The following ZNF827 variants were observed in gnomAD, a reference collection of about 807,000 sequenced individuals.
ZNF827 encodes zinc finger protein 827.
In ZNF827, 13 loss-of-function variants were observed where a neutral mutation model predicts 102.4. The observed-to-expected ratio is 0.13, with a 90% confidence interval of 0.08 to 0.20. The LOEUF (loss-of-function observed/expected upper bound fraction) is 0.20. Among genes scored for constraint, ZNF827 ranks in the 10% least tolerant of loss-of-function variants. ZNF827 has a pLI of 1.00. For missense variants in ZNF827, 1,103 were observed against 1,344.4 expected (o/e 0.82, Z 2.81); for synonymous variants, 523 against 536.2 (o/e 0.98, Z 0.34).
chr4:145,780,957 G>C (rs1737884899), intron 8 of ZNF827, among the ~76,000 whole-genome samples: 1 of 152,164 alleles, frequency 6.6e-6, no homozygotes, highest in South Asian at 2.1e-4. Flanking sequence ...AGCACTTCGG[G>C]AGGCCGAGGC....
At chr4:145,845,209 G>A (rs2126635334) in intron 7 of ZNF827, among the ~76,000 whole-genome samples, 1 of 152,272 alleles carries the variant, frequency 6.6e-6, no homozygotes, top group Middle Eastern at 3.4e-3. Flanking sequence ...CAGTGGTGGG[G>A]TTTTCATCTG....
chr4:145,792,533 A>C (rs891985313), intron 8 of ZNF827, among the ~76,000 whole-genome samples: 1 of 149,370 alleles, frequency 6.7e-6, no homozygotes, highest in African/African-American at 2.5e-5. Context: ...TAGATATATA[A>C]TTTTTTTTTT....
At chr4:145,827,340 C>T (rs952187663) in intron 7 of ZNF827, among the ~76,000 whole-genome samples, 1 of 152,128 alleles carries the variant, frequency 6.6e-6, no homozygotes, top group South Asian at 2.1e-4. Flanking sequence ...AGGGACCAGT[C>T]GTTTCAGTAT....
chr4:145,865,084 A>G (rs1748064576), intron 5 of ZNF827, among the ~76,000 whole-genome samples: 1 of 152,234 alleles, frequency 6.6e-6, no homozygotes, highest in African/African-American at 2.4e-5. Context: ...TAGATTATGT[A>G]GAGGGGAGGT....
At chr4:145,784,658 A>C (rs1303352802) in intron 8 of ZNF827, among the ~76,000 whole-genome samples, 2 of 152,258 alleles carry the variant, frequency 1.3e-5, no homozygotes, top group African/African-American at 2.4e-5. Context: ...AGAAAAGTGC[A>C]CATATCAATA....
At chr4:145,828,166 T>C (rs1477138301) in intron 7 of ZNF827, among the ~76,000 whole-genome samples, 1 of 152,192 alleles carries the variant, frequency 6.6e-6, no homozygotes, top group Non-Finnish European at 1.5e-5. Flanking sequence ...AGCATGTTTG[T>C]ACTGTCCTCC....
chr4:145,791,239 C>G (rs1337493188), intron 8 of ZNF827, among the ~76,000 whole-genome samples: 3 of 152,202 alleles, frequency 2.0e-5, no homozygotes, highest in African/African-American at 7.2e-5. Context: ...AGACAGCCAT[C>G]TTTCTCACTC....
intron 8 of ZNF827, among the ~76,000 whole-genome samples, chr4:145,795,948 C>T (rs568414342): frequency 3.3e-5 from 5 of 152,242 alleles, no homozygotes; most frequent in South Asian, 2.1e-4. Flanking sequence ...ATTCTGGGCA[C>T]GCATATATTT....
At chr4:145,782,992 T>C (rs1016065466) in intron 8 of ZNF827, among the ~76,000 whole-genome samples, 19 of 152,214 alleles carry the variant, frequency 1.2e-4, no homozygotes, top group African/African-American at 4.6e-4. Flanking sequence ...TTTCCCCTGC[T>C]CTGTCCCAGG....
At chr4:145,807,172 G>A (rs531902403) in intron 8 of ZNF827, among the ~76,000 whole-genome samples, 3 of 152,228 alleles carry the variant, frequency 2.0e-5, no homozygotes, top group East Asian at 1.9e-4. Context: ...CCTGACCACT[G>A]TTGTTTACAC....
chr4:145,828,297 C>G (rs1743876615), intron 7 of ZNF827, among the ~76,000 whole-genome samples: 1 of 152,084 alleles, frequency 6.6e-6, no homozygotes, highest in Admixed American at 6.6e-5. Context: ...TATGAAAAAG[C>G]CCCTCCATCC....
intron 8 of ZNF827, among the ~76,000 whole-genome samples, chr4:145,806,659 GAT>G (rs1269656913): frequency 1.3e-5 from 2 of 151,900 alleles, no homozygotes; most frequent in East Asian, 3.8e-4. Flanking sequence ...AGGAGCCACT[GAT>G]ATCCTTTTTC....
Position 145,823,524 on chromosome 4 carries a change from G to T in ZNF827, c.2281C>A (p.Pro761Thr). 1.2e-6 allele frequency: 2 copies of T among 1,608,920 alleles called. No individual in the cohort carries two copies. The highest frequency in any genetic ancestry group is 1.7e-5 in the Admixed American group (1 of 59,966). ...KENTIRTTTS[P>T]FFSEDTFRQS... ...CTAAATGTGTCTTCTGAAAAGAAAGGGCTGGGGTGGGGGAGGGGGAGTGAA... is the reference window on the plus strand; with the variant it reads ...CTAAATGTGTCTTCTGAAAAGAAAGTGCTGGGGTGGGGGAGGGGGAGTGAA... The change falls in exon 8 of 15, where the codon CCT becomes ACT. Residue 761 changes from proline to threonine, a missense_variant and splice_region_variant. This residue lies in a region of ZNF827 where 243 missense variants were observed against 251.6 expected (regional missense o/e 0.97). Transcript: ENST00000508784.
rs139491128 is a variant in ZNF827 at position 145,859,055 on chromosome 4, C to T, written c.1982-9494G>A. ...TGCAAGGATATCGCTGCTGAAAAGC[C>T]GTGACTACTTCACTCTTGTTGGTCA... On this transcript the variant is annotated intron_variant, in intron 5 of 14. Transcript: ENST00000508784. 3.2e-3 allele frequency among the ~76,000 whole-genome samples: 485 copies of T among 152,158 alleles called. 2 individuals carry two copies. The highest frequency in any genetic ancestry group is 0.011 in the African/African-American group (466 of 41,518).
At chr4:145,870,964 A>T (rs1507929) in intron 4 of ZNF827, among the ~76,000 whole-genome samples, 34,248 of 152,144 alleles carry the variant, frequency 0.23, 4,464 homozygotes, top group Non-Finnish European at 0.3. Context: ...AAAAGCTCAG[A>T]CTAGAGATAG....
intron 1 of ZNF827, among the ~76,000 whole-genome samples, chr4:145,924,506 A>AG (rs1401795391): frequency 6.6e-6 from 1 of 152,198 alleles, no homozygotes; most frequent in Non-Finnish European, 1.5e-5. Context: ...GTAAGAGGGG[A>AG]GGGCAAGCCC....
At chr4:145,824,040 C>T (rs1743422603) in intron 7 of ZNF827, among the ~76,000 whole-genome samples, 1 of 152,180 alleles carries the variant, frequency 6.6e-6, no homozygotes, top group Non-Finnish European at 1.5e-5. Flanking sequence ...ACGAAAACTG[C>T]AACTTGAAAT....
At chr4:145,824,785 C>A (rs1247159723) in intron 7 of ZNF827, among the ~76,000 whole-genome samples, 1 of 152,160 alleles carries the variant, frequency 6.6e-6, no homozygotes, top group Non-Finnish European at 1.5e-5. Flanking sequence ...CCTAGGACTC[C>A]CAGGACTAGC....
intron 5 of ZNF827, among the ~76,000 whole-genome samples, chr4:145,856,394 C>G (rs373334162): frequency 1.3e-5 from 2 of 152,084 alleles, no homozygotes; most frequent in Non-Finnish European, 2.9e-5. Context: ...CAGTGTGGCC[C>G]TTGGTGGGGA....
Sources: gnomAD v4.1 joint callset for allele counts (sites outside exome capture counted in the v4.1 genomes callset) on GRCh38, gnomAD v4.1.1 for gene constraint, gnomAD v4.1.1 regional missense constraint, MANE v1.5 for transcripts, NCBI Gene and HGNC (gene_info 2026-07-23, HGNC 2026-07-21) for gene names.